The following DDC variants were observed in gnomAD, a reference collection of about 807,000 sequenced individuals.
DDC encodes the protein dopa decarboxylase.
A neutral mutation model predicts 60.0 loss-of-function variants in DDC; 43 were observed. The observed-to-expected ratio is 0.72, with a 90% CI of 0.56 to 0.92. The LOEUF (loss-of-function observed/expected upper bound fraction) is 0.92, where lower values mean the gene tolerates loss of function less well. Ranked by LOEUF, DDC falls within the 40% of genes least tolerant of loss-of-function variation. The pLI is 0.00. For missense variants in DDC, 573 were observed against 620.2 expected (o/e 0.92, Z 0.81); for synonymous variants, 232 against 234.6 (o/e 0.99, Z 0.10).
At chr7:50,492,687 T>TAAACTCTGTCCTCTC (rs2043024983) in intron 9 of DDC, 3 of 260,874 alleles carry the variant, frequency 1.1e-5, no homozygotes, top group Non-Finnish European at 1.6e-5. Flanking sequence ...CAAGGAAATT[T>TAAACTCTGTCCTCTC]TCCAAATGGC....
chr7:50,545,807 A>G (rs949730641), intron 1 of DDC, among the ~76,000 whole-genome samples: 4 of 152,146 alleles, frequency 2.6e-5, no homozygotes, highest in Non-Finnish European at 5.9e-5. Flanking sequence ...AGACAATTGC[A>G]TGCTAGGGAT....
intron 6 of DDC, among the ~76,000 whole-genome samples, chr7:50,514,399 G>C (rs188589966): frequency 1.3e-5 from 2 of 151,990 alleles, no homozygotes; most frequent in East Asian, 1.9e-4. Context: ...AACCAACCCC[G>C]GTAATATGAC....
intron 10 of DDC, among the ~76,000 whole-genome samples, chr7:50,476,896 T>C (rs1367588389): frequency 6.6e-6 from 1 of 152,226 alleles, no homozygotes; most frequent in East Asian, 1.9e-4. Context: ...TTAGTTTTGC[T>C]TTCTGCAGTT....
At chr7:50,489,256 C>G (rs1056345589) in intron 9 of DDC, among the ~76,000 whole-genome samples, 2 of 152,156 alleles carry the variant, frequency 1.3e-5, no homozygotes, top group African/African-American at 4.8e-5. Flanking sequence ...ATCCTCCCAC[C>G]TCGGCCTCCC....
intron 4 of DDC, among the ~76,000 whole-genome samples, chr7:50,534,484 G>C (rs2044324022): frequency 6.6e-6 from 1 of 152,160 alleles, no homozygotes; most frequent in South Asian, 2.1e-4. Flanking sequence ...TGTAATCCCA[G>C]CTTCTTGGGA....
At chr7:50,553,484 C>CT (rs5884158) in intron 1 of DDC, among the ~76,000 whole-genome samples, 24,782 of 90,860 alleles carry the variant, frequency 0.27, 3,447 homozygotes, top group East Asian at 0.42. Flanking sequence ...TCTTTCTTTT[C>CT]TTTTTTTTTT....
intron 4 of DDC, among the ~76,000 whole-genome samples, chr7:50,536,213 A>G (rs10239937): frequency 0.68 from 102,991 of 152,030 alleles, 35,502 homozygotes; most frequent in East Asian, 0.8. Flanking sequence ...CAGAAACTCA[A>G]AAGAATGCAA....
Position 50,540,039 on chromosome 7 carries a change from G to A in DDC, c.202-11C>T. 9 of 1,601,956 alleles carry A rather than the reference G, an allele frequency of 5.6e-6. No homozygotes were observed. The highest frequency in any genetic ancestry group is 7.7e-6 in the Non-Finnish European group (9 of 1,170,646). ...GTGCCAGTGCGTCACCTGCATGGGA[G>A]GACAGAGCAGCTGCTGAGGAGTGAG... On this transcript the variant is annotated splice_polypyrimidine_tract_variant and intron_variant, in intron 2 of 14. Coordinates refer to ENST00000444124, the MANE Select transcript of DDC (RefSeq NM_001082971.2).
chr7:50,466,511 A>AAAAAAAC (rs1562980104), intron 13 of DDC, among the ~76,000 whole-genome samples: 3 of 147,388 alleles, frequency 2.0e-5, no homozygotes, highest in Non-Finnish European at 4.4e-5. Context: ...AAAAAAAAAA[A>AAAAAAAC]AAAAAACCTT....
intron 1 of DDC, among the ~76,000 whole-genome samples, chr7:50,557,343 A>G (rs964428679): frequency 2.6e-5 from 4 of 152,334 alleles, no homozygotes; most frequent in African/African-American, 7.2e-5. Context: ...ACTTCCACTC[A>G]TATCTCTGTA....
At chr7:50,530,217 T>G (rs1265113333) in intron 4 of DDC, among the ~76,000 whole-genome samples, 1 of 152,100 alleles carries the variant, frequency 6.6e-6, no homozygotes, top group East Asian at 1.9e-4. Context: ...ATTACAACAC[T>G]GCACTCCAGC....
At chr7:50,466,493 GAAAAAAAAAAAA>G (rs57396757) in intron 13 of DDC, among the ~76,000 whole-genome samples, 7,580 of 64,174 alleles carry the variant, frequency 0.12, 486 homozygotes, top group African/African-American at 0.26. Context: ...TCTCCAAAAA[GAAAAAAAAAAAA>G]AAAAAAAAAA....
At chr7:50,465,490 G>C (rs1485992849) in intron 13 of DDC, among the ~76,000 whole-genome samples, 6 of 151,848 alleles carry the variant, frequency 4.0e-5, no homozygotes, top group Non-Finnish European at 7.4e-5. Context: ...TCCTGCCTCA[G>C]CCTCCCGAGT....
At chr7:50,516,473 A>G (rs1399483407) in intron 6 of DDC, among the ~76,000 whole-genome samples, 2 of 152,124 alleles carry the variant, frequency 1.3e-5, no homozygotes, top group Non-Finnish European at 2.9e-5. Flanking sequence ...CATTGAAAAG[A>G]CTGAAAGAGC....
Position 50,538,115 on chromosome 7 carries a change from T to C in DDC, c.316-136A>G, listed in dbSNP as rs2044479796. 17 of 1,087,918 alleles carry C rather than the reference T, an allele frequency of 1.6e-5. No homozygotes were observed. The South Asian group carries it at 2.3e-4, about 15-fold the overall frequency. 67.4% of individuals were successfully genotyped at this position (1,087,918 alleles called of 1,614,324 possible). The stretch of plus-strand genomic sequence containing the variant: ...CAATCTCAGATGTGATTCAAAGGCC[T>C]GAAGGCTGTTTGACCTAGAATCATG... On this transcript the variant is annotated intron_variant, in intron 3 of 14. Coordinates refer to ENST00000444124, the MANE Select transcript of DDC (RefSeq NM_001082971.2).
chr7:50,539,818 G>A (rs536886627), intron 3 of DDC, 97 bp downstream of exon 3: 157 of 876,800 alleles, frequency 1.8e-4, no homozygotes, highest in South Asian at 8.5e-5. Context: ...AGACAGCACC[G>A]CCATCTGCTC....
At position 50,467,325 on chromosome 7, in the gene DDC, G is replaced by A. The variant is rs749887111; in HGVS notation, c.1141-10C>T. 6.2e-7 allele frequency: 1 copy of A among 1,611,452 alleles called. No homozygotes were observed. Among genetic ancestry groups the A allele is most frequent in the Non-Finnish European group, 8.5e-7 (1 of 1,177,558 alleles). ...GGGACAGCTGGACATGCTTCAAAGA[G>A]GAAAGGGAAAATCTGTTTTTCTCAT... On this transcript the variant is annotated splice_polypyrimidine_tract_variant and intron_variant, in intron 12 of 14. Coordinates refer to ENST00000444124, the MANE Select transcript of DDC (RefSeq NM_001082971.2).
At chr7:50,504,136 G>A (rs2043330602) in intron 6 of DDC, 77 bp from the exon 7 acceptor site, 2 of 1,034,214 alleles carry the variant, frequency 1.9e-6, no homozygotes, top group South Asian at 1.3e-5. Context: ...AGCAACTGCT[G>A]CCCCATGGTC....
chr7:50,459,182 C>T (rs901559386), intron 14 of DDC, among the ~76,000 whole-genome samples: 6 of 152,386 alleles, frequency 3.9e-5, no homozygotes, highest in African/African-American at 1.4e-4. Context: ...TGGTCTCCAG[C>T]TCCAAACTGC....
Sources: gnomAD v4.1 joint callset for allele counts (sites outside exome capture counted in the v4.1 genomes callset) on GRCh38, gnomAD v4.1.1 for gene constraint, MANE v1.5 for transcripts, NCBI Gene and HGNC (gene_info 2026-07-23, HGNC 2026-07-21) for gene names.